ARHGAP27: variants seen among roughly 807,000 people sequenced by gnomAD.
The protein encoded by ARHGAP27 is Rho GTPase activating protein 27.
In ARHGAP27, 53 loss-of-function variants were observed where a neutral mutation model predicts 102.0. That is an observed-to-expected ratio of 0.52 (90% confidence interval 0.42 to 0.65). The LOEUF is 0.65. Among genes scored for constraint, ARHGAP27 ranks in the 30% least tolerant of loss-of-function variants. The pLI is 0.00. For synonymous variants in ARHGAP27, 525 were observed against 542.8 expected, an observed-to-expected ratio of 0.97 and a Z score of 0.46; for missense variants, 1,117 against 1,256.2, an observed-to-expected ratio of 0.89 and a Z score of 1.68.
chr17:45,404,357 C>A (rs2046860951), intron 8 of ARHGAP27, 23 bp from the exon 9 acceptor site: 2 of 1,613,698 alleles, frequency 1.2e-6, no homozygotes, highest in African/African-American at 1.3e-5. Context: ...ACAGATAGAT[C>A]CCACCAAGTC....
chr17:45,412,595 C>T (rs1210775175), intron 4 of ARHGAP27, among the ~76,000 whole-genome samples: 1 of 152,230 alleles, frequency 6.6e-6, no homozygotes, highest in African/African-American at 2.4e-5. Context: ...TGCTCTGTGC[C>T]ACCCAAGCCA....
chr17:45,410,349 G>T lies in ARHGAP27; in HGVS notation c.658-4266C>A, dbSNP rs2047768716. On this transcript the variant is annotated intron_variant, in intron 4 of 19. Coordinates refer to ENST00000685559, the MANE Select transcript of ARHGAP27 (RefSeq NM_001282290.2). Reference sequence around the variant, plus strand: ...GAAGGTTTTGGGGGTAGAGCCCAGGGGCACTACCCCAGTGCTGGCACAGGG... The same window carrying T: ...GAAGGTTTTGGGGGTAGAGCCCAGGTGCACTACCCCAGTGCTGGCACAGGG... The T allele has an allele frequency of 1.3e-5, 18 of 1,427,412 alleles. No homozygotes were observed. In the South Asian group the frequency reaches 2.4e-4, roughly 19 times the overall value. 88.4% of individuals were successfully genotyped at this position (1,427,412 alleles called of 1,614,324 possible). A position where few individuals can be genotyped will look rare whatever the true frequency, so the allele number is the denominator to read the frequency against.
chr17:45,411,121 G>C (rs920489065), intron 4 of ARHGAP27, among the ~76,000 whole-genome samples: 4 of 152,086 alleles, frequency 2.6e-5, no homozygotes, highest in Admixed American at 2.0e-4. Flanking sequence ...AAGAGGGCCA[G>C]GCACCAGCTT....
At position 45,394,346 on chromosome 17, in the gene ARHGAP27, T is replaced by A. The variant is rs2045358983; in HGVS notation, c.*1110A>T. Reference sequence around the variant, plus strand: ...GGGGTTCACGCTTCCTTTCTTGAGGTTGTGTCCTCCTTCCCCACACCCTGC... The same window carrying A: ...GGGGTTCACGCTTCCTTTCTTGAGGATGTGTCCTCCTTCCCCACACCCTGC... On this transcript the variant is annotated 3_prime_UTR_variant, in exon 20 of 20. Coordinates refer to ENST00000685559, the MANE Select transcript of ARHGAP27 (RefSeq NM_001282290.2). The A allele has an allele frequency of 6.6e-6, 1 of 152,352 alleles. No homozygotes were observed. The highest frequency in any genetic ancestry group is 1.5e-5 in the Non-Finnish European group (1 of 68,108). 9.4% of individuals were successfully genotyped at this position (152,352 alleles called of 1,614,324 possible).
At position 45,403,717 on chromosome 17, in the gene ARHGAP27, G is replaced by A. The variant is rs1251607493; in HGVS notation, c.1548-8C>T. The A allele has an allele frequency of 3.7e-6, 6 of 1,608,606 alleles. No individual in the cohort carries two copies. The highest frequency in any genetic ancestry group is 2.7e-5 in the African/African-American group (2 of 74,680). Reference sequence around the variant, plus strand: ...GCACTCCAGTGCTTCTTCCTAGGTGGGGGTGGGGAAGTGGGGGTGGCAGGA... The same window carrying A: ...GCACTCCAGTGCTTCTTCCTAGGTGAGGGTGGGGAAGTGGGGGTGGCAGGA... On this transcript the variant is annotated splice_region_variant and splice_polypyrimidine_tract_variant and intron_variant, in intron 10 of 19. Coordinates refer to ENST00000685559, the MANE Select transcript of ARHGAP27 (RefSeq NM_001282290.2).
Position 45,404,263 on chromosome 17 carries a change from G to C in ARHGAP27, c.1479+6C>G, listed in dbSNP as rs1224537022. On this transcript the variant is annotated splice_donor_region_variant and intron_variant, in intron 9 of 19. Coordinates refer to ENST00000685559, the MANE Select transcript of ARHGAP27 (RefSeq NM_001282290.2). Reference sequence around the variant, plus strand: ...CACCTGGCTGGGGGTAGGGGGTGATGCCTACCCTCACAGCAGCTGTGGCAG... The same window carrying C: ...CACCTGGCTGGGGGTAGGGGGTGATCCCTACCCTCACAGCAGCTGTGGCAG... 1 of 1,613,826 alleles carries C rather than the reference G, an allele frequency of 6.2e-7. No individual in the cohort carries two copies. The highest frequency in any genetic ancestry group is 8.5e-7 in the Non-Finnish European group (1 of 1,179,926).
At chr17:45,407,510 C>CT (rs5820579) in intron 4 of ARHGAP27, 17,203 of 148,436 alleles carry the variant, frequency 0.12, 1,454 homozygotes, top group Middle Eastern at 0.21. Flanking sequence ...TTTTCTTTTT[C>CT]TTTTTTTTCT....
intron 4 of ARHGAP27, among the ~76,000 whole-genome samples, chr17:45,414,527 T>G (rs552895711): frequency 2.3e-4 from 35 of 151,574 alleles, no homozygotes; most frequent in African/African-American, 8.0e-4. Flanking sequence ...AGCTTTGACT[T>G]CTTGGACTCA....
rs1354021229 is a variant in ARHGAP27, at chr17:45,395,625, T to G, written c.2501A>C (p.Glu834Ala). Residue 834 changes from glutamate to alanine, a missense_variant, in exon 20 of 20, where the codon GAG becomes GCG. Glu to Ala is a moderately radical substitution (Grantham distance 107, BLOSUM62 -1). Transcript: ENST00000685559. ...MLFQHLCRVI[E>A]HGEQNRMSVQ... is the part of the protein sequence containing the mutation. ...CGACATGCGGTTCTGCTCGCCGTGC[T>G]CGATCACCCTGTGGCAGGGGTGGGT... is the stretch of plus-strand genomic sequence containing the variant. The G allele has an allele frequency of 1.9e-6, 3 of 1,604,638 alleles. No individual in the cohort carries two copies. Among genetic ancestry groups the G allele is most frequent in the Non-Finnish European group, 2.6e-6 (3 of 1,176,056 alleles).
In ARHGAP27 at chr17:45,411,795, T is replaced by TCACACACACACA. The variant is rs3068161; in HGVS notation, c.658-5724_658-5713dup. Among the ~76,000 whole-genome samples, 11 of 149,060 alleles carry TCACACACACACA rather than the reference T, an allele frequency of 7.4e-5. 1 individual carries two copies. The highest frequency in any genetic ancestry group is 1.7e-4 in the African/African-American group (7 of 40,580). On this transcript the variant is annotated intron_variant, in intron 4 of 19. Transcript: ENST00000685559. Reference sequence around the variant, plus strand: ...CCACCCTGAGGCCAGGGATGAGGACTCACACACACACACACACACACACAC... The same window carrying TCACACACACACA: ...CCACCCTGAGGCCAGGGATGAGGACTCACACACACACACACACACACACACACACACACACAC...
At chr17:45,408,618 A>T (rs2047516650) in intron 4 of ARHGAP27, 1 of 152,112 alleles carries the variant, frequency 6.6e-6, no homozygotes, top group African/African-American at 2.4e-5. Flanking sequence ...GTCCAACCAC[A>T]ACAGGCCTCT....
In ARHGAP27 at chr17:45,396,335, G is replaced by A. The variant is rs368506644; in HGVS notation, c.2174-51C>T. On this transcript the variant is annotated intron_variant, in intron 16 of 19. Coordinates refer to ENST00000685559, the MANE Select transcript of ARHGAP27 (RefSeq NM_001282290.2). ...CGGGTTCAGGGATGGGGATAGGGTG[G>A]GGCTACGGGTCCCTGCTATGACTCC... 4,182 of 1,548,180 alleles carry A rather than the reference G, an allele frequency of 2.7e-3. 141 individuals carry two copies. In the South Asian group the frequency reaches 0.047, roughly 17 times the overall value.
intron 4 of ARHGAP27, among the ~76,000 whole-genome samples, chr17:45,410,835 A>C (rs1358502675): frequency 6.6e-6 from 1 of 150,752 alleles, no homozygotes; most frequent in Non-Finnish European, 1.5e-5. Flanking sequence ...TGTGGGGGGG[A>C]GGGGAAGAGT....
intron 4 of ARHGAP27, among the ~76,000 whole-genome samples, chr17:45,419,113 C>T (rs1279657949): frequency 6.6e-6 from 1 of 152,154 alleles, no homozygotes; most frequent in Non-Finnish European, 1.5e-5. Context: ...CGCCACCAGA[C>T]CCCAGCACAG....
At chr17:45,403,774 C>G in intron 10 of ARHGAP27, 65 bp from the exon 11 acceptor site, 1 of 1,385,402 alleles carries the variant, frequency 7.2e-7, no homozygotes. Context: ...AGGGCCCCTC[C>G]TACCCCAGGA....
rs745407695 is a variant in ARHGAP27 at position 45,398,015 on chromosome 17, G to C, written c.1776C>G (p.Ile592Met). ...LRSRDGSEYL[I>M]QHDSEAIIST... is the part of the protein sequence containing the mutation. ...TGATGATGGCCTCCGAGTCGTGCTG[G>C]ATCAGGTACTCAGAGCCATCTCGGC... The change falls in exon 13 of 20, where the codon ATC becomes ATG. Residue 592 changes from isoleucine to methionine, a missense_variant. By Grantham distance (10) the Ile-to-Met change is conservative (BLOSUM62 1). Transcript: ENST00000685559. 3 of 1,608,998 alleles carry C rather than the reference G, an allele frequency of 1.9e-6. No individual in the cohort carries two copies. Among genetic ancestry groups the C allele is most frequent in the African/African-American group, 2.7e-5 (2 of 74,882 alleles).
At chr17:45,410,828 G>C (rs569439352) in intron 4 of ARHGAP27, among the ~76,000 whole-genome samples, 4 of 151,926 alleles carry the variant, frequency 2.6e-5, no homozygotes, top group Non-Finnish European at 5.9e-5. Context: ...GGAAGCTTGT[G>C]GGGGGGAGGG....
chr17:45,421,853 G>C (rs1434778927), intron 4 of ARHGAP27, among the ~76,000 whole-genome samples: 4 of 152,186 alleles, frequency 2.6e-5, no homozygotes, highest in Non-Finnish European at 5.9e-5. Context: ...AAAAGACAAA[G>C]AGTCAGCTTG....
At chr17:45,419,011 C>T (rs1457448761) in intron 4 of ARHGAP27, among the ~76,000 whole-genome samples, 1 of 152,208 alleles carries the variant, frequency 6.6e-6, no homozygotes, top group Non-Finnish European at 1.5e-5. Flanking sequence ...GGTACTCCTG[C>T]AGCTCGACCC....
Sources: gnomAD v4.1 joint callset for allele counts (sites outside exome capture counted in the v4.1 genomes callset) on GRCh38, gnomAD v4.1.1 for gene constraint, MANE v1.5 for transcripts, NCBI Gene and HGNC (gene_info 2026-07-23, HGNC 2026-07-21) for gene names.